The following PLA2G4A variants were observed in gnomAD, a reference collection of about 807,000 sequenced individuals.
PLA2G4A encodes the protein cytosolic phospholipase A2.
Under a neutral mutation model 81.9 loss-of-function variants are expected in PLA2G4A, and 40 were observed. That is an observed-to-expected ratio of 0.49 (90% CI 0.38 to 0.64). The LOEUF is 0.64. Among genes scored for constraint, PLA2G4A ranks in the 30% least tolerant of loss-of-function variants. The pLI, the probability that PLA2G4A is intolerant of heterozygous loss-of-function variation, is 0.00. For synonymous variants in PLA2G4A, 302 were observed against 296.9 expected, an observed-to-expected ratio of 1.02 and a Z score of -0.18; for missense variants, 715 against 905.1, an observed-to-expected ratio of 0.79 and a Z score of 2.69.
At chr1:186,834,254 C>G (rs1036605562) in intron 1 of PLA2G4A, among the ~76,000 whole-genome samples, 1 of 151,864 alleles carries the variant, frequency 6.6e-6, no homozygotes, top group Non-Finnish European at 1.5e-5. Context: ...TTTTCACAGG[C>G]TTTGTGGTTG....
At chr1:186,971,113 C>T (rs1657341789) in intron 15 of PLA2G4A, among the ~76,000 whole-genome samples, 1 of 151,460 alleles carries the variant, frequency 6.6e-6, no homozygotes, top group Non-Finnish European at 1.5e-5. Context: ...AATACATTGC[C>T]TTTGTAATAA....
At chr1:186,956,037 G>T (rs35183959) in intron 13 of PLA2G4A, 65 bp from the exon 14 acceptor site, 163,510 of 1,486,478 alleles carry the variant, frequency 0.11, 10,371 homozygotes, top group East Asian at 0.22. Flanking sequence ...ACCGTGCCCA[G>T]CCCAAAGATC....
chr1:186,935,228 A>T (rs1229865529), intron 8 of PLA2G4A, among the ~76,000 whole-genome samples: 1 of 151,948 alleles, frequency 6.6e-6, no homozygotes. Context: ...AAAAGTAATT[A>T]AAAGATACTT....
At position 186,988,818 on chromosome 1, in the gene PLA2G4A, T is replaced by G. The variant is rs571380203; in HGVS notation, c.*310T>G. The stretch of plus-strand genomic sequence containing the variant: ...TCTTATGTGTGTTCTTTTTAAAAAT[T>G]TTTTTTCTTTTAAAATATTTAACAG... On this transcript the variant is annotated 3_prime_UTR_variant, in exon 18 of 18. Coordinates refer to ENST00000367466, the MANE Select transcript of PLA2G4A (RefSeq NM_024420.3). 1 of 230,776 alleles carries G rather than the reference T, an allele frequency of 4.3e-6. No individual in the cohort carries two copies. The highest frequency in any genetic ancestry group is 2.3e-5 in the African/African-American group (1 of 44,004). 14.3% of individuals were successfully genotyped at this position (230,776 alleles called of 1,614,324 possible).
chr1:186,979,897 C>A (rs1026380974), intron 17 of PLA2G4A, among the ~76,000 whole-genome samples: 9 of 136,156 alleles, frequency 6.6e-5, no homozygotes, highest in East Asian at 2.3e-4. Context: ...TACATATTTT[C>A]TTTTTGTGAA....
chr1:186,863,917 C>T lies in PLA2G4A; in HGVS notation c.34-6518C>T, dbSNP rs143558408. Reference sequence around the variant, plus strand: ...CTGGGATTACAGGTGCCTGCCACCACGCCTGGCTAATTTTTTATATTTTTA... The same window carrying T: ...CTGGGATTACAGGTGCCTGCCACCATGCCTGGCTAATTTTTTATATTTTTA... On this transcript the variant is annotated intron_variant, in intron 2 of 17. Coordinates refer to ENST00000367466, the MANE Select transcript of PLA2G4A (RefSeq NM_024420.3). Among the ~76,000 whole-genome samples, 392 of 152,054 alleles carry T rather than the reference C, an allele frequency of 2.6e-3. 6 individuals are homozygous for T. The highest frequency in any genetic ancestry group is 0.01 in the Middle Eastern group (3 of 294).
intron 5 of PLA2G4A, 117 bp downstream of exon 5, chr1:186,894,328 T>C (rs920593670): frequency 1.5e-5 from 10 of 655,000 alleles, no homozygotes; most frequent in Non-Finnish European, 2.5e-5. Flanking sequence ...ATGTTTGCTT[T>C]TTAAAGAGAA....
chr1:186,894,240 A>C (rs758943076), intron 5 of PLA2G4A, 29 bp downstream of exon 5: 10 of 813,538 alleles, frequency 1.2e-5, no homozygotes, highest in Non-Finnish European at 2.2e-5. Context: ...TTATATTCCA[A>C]CCTTATGTTA....
chr1:186,907,218 T>G (rs1055444522), intron 6 of PLA2G4A, among the ~76,000 whole-genome samples: 2 of 152,218 alleles, frequency 1.3e-5, no homozygotes, highest in East Asian at 3.8e-4. Context: ...TATGCTTTGC[T>G]TATTTTTCCA....
At chr1:186,877,278 G>A (rs974970529) in intron 3 of PLA2G4A, among the ~76,000 whole-genome samples, 2 of 151,944 alleles carry the variant, frequency 1.3e-5, no homozygotes, top group Admixed American at 6.6e-5. Flanking sequence ...GATATAGAAC[G>A]AGTTGACGTA....
intron 1 of PLA2G4A, 57 bp from the exon 2 acceptor site, chr1:186,854,229 A>G: frequency 2.9e-6 from 2 of 683,990 alleles, no homozygotes; most frequent in Non-Finnish European, 5.3e-6. Flanking sequence ...ATAATTGTTT[A>G]AATCTTAGAA....
intron 7 of PLA2G4A, among the ~76,000 whole-genome samples, chr1:186,921,153 C>A (rs1655336237): frequency 6.6e-6 from 1 of 152,040 alleles, no homozygotes; most frequent in Admixed American, 6.6e-5. Flanking sequence ...TTAGCCTTTC[C>A]ATGTCTGGTC....
At chr1:186,850,281 T>C (rs1328438731) in intron 1 of PLA2G4A, among the ~76,000 whole-genome samples, 1 of 152,130 alleles carries the variant, frequency 6.6e-6, no homozygotes, top group Non-Finnish European at 1.5e-5. Context: ...TTGCAGTAAA[T>C]AGATATAAAA....
intron 12 of PLA2G4A, among the ~76,000 whole-genome samples, chr1:186,949,501 T>C (rs890176284): frequency 6.6e-6 from 1 of 152,052 alleles, no homozygotes; most frequent in Non-Finnish European, 1.5e-5. Context: ...ATATGGCACC[T>C]GGGATAGATC....
chr1:186,886,768 T>A (rs896933044), intron 3 of PLA2G4A, among the ~76,000 whole-genome samples: 1 of 152,192 alleles, frequency 6.6e-6, no homozygotes, highest in Non-Finnish European at 1.5e-5. Flanking sequence ...TAGAAGTAAA[T>A]GACTGGACTG....
At chr1:186,847,924 A>G (rs947663328) in intron 1 of PLA2G4A, among the ~76,000 whole-genome samples, 1 of 152,182 alleles carries the variant, frequency 6.6e-6, no homozygotes, top group Non-Finnish European at 1.5e-5. Context: ...GAATAGTTTC[A>G]TTTAGGAAGT....
At chr1:186,832,386 A>G (rs1558341022) in intron 1 of PLA2G4A, among the ~76,000 whole-genome samples, 1 of 152,152 alleles carries the variant, frequency 6.6e-6, no homozygotes, top group Non-Finnish European at 1.5e-5. Flanking sequence ...CAATTGTAAA[A>G]TAGAAATAAT....
intron 17 of PLA2G4A, among the ~76,000 whole-genome samples, chr1:186,984,905 G>A (rs1657845101): frequency 6.6e-6 from 1 of 152,138 alleles, no homozygotes; most frequent in African/African-American, 2.4e-5. Flanking sequence ...TAGCCTATGA[G>A]GTGGGGTTTT....
intron 7 of PLA2G4A, among the ~76,000 whole-genome samples, chr1:186,918,388 T>G (rs1320646115): frequency 2.0e-5 from 3 of 152,210 alleles, no homozygotes. Flanking sequence ...TAATGCTCCA[T>G]GCACTTGGAG....
Sources: allele counts gnomAD v4.1 joint callset (sites outside exome capture counted in the v4.1 genomes callset), GRCh38; gene constraint gnomAD v4.1.1; transcripts MANE v1.5; gene names NCBI Gene and HGNC (gene_info 2026-07-23, HGNC 2026-07-21).